Variants in MCC observed in about 807,000 individuals in gnomAD.
MCC encodes the protein colorectal mutant cancer protein.
A neutral mutation model predicts 116.2 loss-of-function variants in MCC; 90 were observed. The ratio of observed to expected loss-of-function variants is 0.77; its 90% CI spans 0.65 to 0.92. The LOEUF (loss-of-function observed/expected upper bound fraction) is 0.92, where lower values mean the gene tolerates loss of function less well. Ranked by LOEUF, MCC falls within the 40% of genes least tolerant of loss-of-function variation. The pLI is 0.00. For synonymous variants in MCC, 578 were observed against 510.5 expected, an observed-to-expected ratio of 1.13 and a Z score of -1.78; for missense variants, 1,516 against 1,312.2, an observed-to-expected ratio of 1.16 and a Z score of -2.40.
intron 5 of MCC, among the ~76,000 whole-genome samples, chr5:113,136,248 G>A (rs1379515363): frequency 1.3e-5 from 2 of 152,158 alleles, no homozygotes; most frequent in South Asian, 4.1e-4. Flanking sequence ...CATCTCAGCT[G>A]GTTAGAATTC....
chr5:113,196,312 G>A (rs1762404859), intron 3 of MCC, among the ~76,000 whole-genome samples: 1 of 152,204 alleles, frequency 6.6e-6, no homozygotes, highest in Non-Finnish European at 1.5e-5. Context: ...GTGCCCAGGA[G>A]GTTAGCAGGT....
At chr5:113,290,173 T>C (rs906939934) in intron 3 of MCC, among the ~76,000 whole-genome samples, 1 of 152,232 alleles carries the variant, frequency 6.6e-6, no homozygotes, top group Non-Finnish European at 1.5e-5. Flanking sequence ...CAGGAGTTAC[T>C]CAACACGCAA....
At chr5:113,310,028 T>C (rs193013099) in intron 3 of MCC, among the ~76,000 whole-genome samples, 7 of 152,184 alleles carry the variant, frequency 4.6e-5, no homozygotes, top group African/African-American at 1.4e-4. Context: ...ACTTGGCTTA[T>C]TTTCCCAGTT....
chr5:113,145,422 C>T (rs576174073), intron 4 of MCC, among the ~76,000 whole-genome samples: 5 of 152,318 alleles, frequency 3.3e-5, no homozygotes, highest in Admixed American at 2.6e-4. Context: ...AACATTTCCA[C>T]TTACACACTC....
In MCC at chr5:113,475,375, T is replaced by G. The variant is rs77579486; in HGVS notation, c.170+12870A>C. Among the ~76,000 whole-genome samples, 58 of 152,336 alleles carry G rather than the reference T, an allele frequency of 3.8e-4. No homozygotes were observed. The East Asian group carries it at 0.01, about 26-fold the overall frequency. On this transcript the variant is annotated intron_variant, in intron 1 of 18. Transcript: ENST00000408903. The stretch of plus-strand genomic sequence containing the variant: ...TAGTCAATCTAGAAACTTGTTCAAT[T>G]TACTTTTTCACTTTATTAGGTGACA...
At chr5:113,068,672 A>G (rs1753800683) in intron 12 of MCC, among the ~76,000 whole-genome samples, 2 of 152,244 alleles carry the variant, frequency 1.3e-5, no homozygotes, top group South Asian at 4.1e-4. Flanking sequence ...ATCTTGGACC[A>G]TCCTCCCCGG....
intron 2 of MCC, among the ~76,000 whole-genome samples, chr5:113,366,448 C>T (rs1315125485): frequency 6.6e-6 from 1 of 152,176 alleles, no homozygotes; most frequent in African/African-American, 2.4e-5. Context: ...CTGCTTTAAT[C>T]ACCTCCAAGG....
At chr5:113,138,951 C>G (rs1759014137) in intron 5 of MCC, among the ~76,000 whole-genome samples, 1 of 152,100 alleles carries the variant, frequency 6.6e-6, no homozygotes, top group Non-Finnish European at 1.5e-5. Flanking sequence ...TGGATGAGGC[C>G]ATGATTATTC....
intron 15 of MCC, among the ~76,000 whole-genome samples, chr5:113,052,581 C>A (rs1353584191): frequency 6.6e-6 from 1 of 152,166 alleles, no homozygotes; most frequent in South Asian, 2.1e-4. Context: ...CTGAGTGAGT[C>A]ACCCCTGAGG....
chr5:113,479,740 T>C (rs2150435314), intron 1 of MCC, among the ~76,000 whole-genome samples: 1 of 152,296 alleles, frequency 6.6e-6, no homozygotes, highest in African/African-American at 2.4e-5. Flanking sequence ...TTTAATGGTT[T>C]TTCTTTTTTC....
At chr5:113,461,795 T>C (rs1167545525) in intron 1 of MCC, among the ~76,000 whole-genome samples, 1 of 149,728 alleles carries the variant, frequency 6.7e-6, no homozygotes, top group Non-Finnish European at 1.5e-5. Context: ...CAACAATAAT[T>C]GTGGAAGCTA....
intron 11 of MCC, among the ~76,000 whole-genome samples, chr5:113,080,833 GA>G (rs1297642395): frequency 1.2e-3 from 166 of 137,206 alleles, no homozygotes; most frequent in African/African-American, 4.3e-3. Context: ...AAAAAGAAAA[GA>G]AAAAAGAAAA....
intron 4 of MCC, among the ~76,000 whole-genome samples, chr5:113,146,133 T>C (rs1286722772): frequency 1.3e-5 from 2 of 152,112 alleles, no homozygotes; most frequent in Non-Finnish European, 2.9e-5. Context: ...AAAAATAGCA[T>C]ACAATGTAGT....
intron 1 of MCC, among the ~76,000 whole-genome samples, chr5:113,455,562 G>C (rs1034107244): frequency 1.3e-4 from 20 of 152,172 alleles, no homozygotes; most frequent in Non-Finnish European, 2.1e-4. Context: ...GGACATACAA[G>C]TCTAAAGCCC....
At chr5:113,298,304 G>A (rs1283504492) in intron 3 of MCC, among the ~76,000 whole-genome samples, 1 of 152,230 alleles carries the variant, frequency 6.6e-6, no homozygotes, top group Non-Finnish European at 1.5e-5. Context: ...CAAGGCAGAA[G>A]GAGGAGCAGC....
chr5:113,460,040 G>T (rs1771703071), intron 1 of MCC, among the ~76,000 whole-genome samples: 1 of 152,202 alleles, frequency 6.6e-6, no homozygotes, highest in African/African-American at 2.4e-5. Flanking sequence ...GAAGCAACAT[G>T]AAGTAAAGAG....
At chr5:113,108,286 T>C (rs973995011) in intron 6 of MCC, among the ~76,000 whole-genome samples, 2 of 129,290 alleles carry the variant, frequency 1.5e-5, no homozygotes, top group Non-Finnish European at 3.1e-5. Flanking sequence ...TGAGCTGAGA[T>C]TGCACTCCAG....
At chr5:113,410,435 T>A (rs1007155830) in intron 1 of MCC, among the ~76,000 whole-genome samples, 1 of 152,228 alleles carries the variant, frequency 6.6e-6, no homozygotes. Context: ...AACACTTGTC[T>A]GATCAATTCG....
At chr5:113,208,822 T>C (rs1763010421) in intron 3 of MCC, among the ~76,000 whole-genome samples, 1 of 152,192 alleles carries the variant, frequency 6.6e-6, no homozygotes, top group Non-Finnish European at 1.5e-5. Context: ...AAAAGCAATA[T>C]GTCCCCAACA....
Sources: gnomAD v4.1 joint callset for allele counts (sites outside exome capture counted in the v4.1 genomes callset) on GRCh38, gnomAD v4.1.1 for gene constraint, MANE v1.5 for transcripts, NCBI Gene and HGNC (gene_info 2026-07-23, HGNC 2026-07-21) for gene names.